The following MEF2C variants were observed in gnomAD, a reference collection of about 807,000 sequenced individuals.
MEF2C encodes myocyte enhancer factor 2C, also known as myocyte-specific enhancer factor 2C.
Under a neutral mutation model 50.5 loss-of-function variants are expected in MEF2C, and 6 were observed. The observed-to-expected ratio is 0.12, with a 90% CI of 0.07 to 0.23. The LOEUF is 0.23. MEF2C is among the 10% of genes least tolerant of loss of function. MEF2C has a pLI of 1.00. For missense variants in MEF2C, 276 were observed against 605.0 expected (o/e 0.46, Z 5.70); for synonymous variants, 183 against 228.0 (o/e 0.80, Z 1.78).
chr5:88,836,673 G>A (rs977630256), intron 1 of MEF2C, among the ~76,000 whole-genome samples: 4 of 152,184 alleles, frequency 2.6e-5, no homozygotes, highest in African/African-American at 7.2e-5. Flanking sequence ...CGAAGGCCTA[G>A]CAGGAGGCTC....
chr5:88,741,045 G>A, intron 6 of MEF2C: 1 of 985,416 alleles, frequency 1.0e-6, no homozygotes, highest in Non-Finnish European at 1.2e-6. Context: ...AACGTTCAAA[G>A]TGAAATGTGT....
At chr5:88,823,237 TTTG>T (rs1049221867) in intron 2 of MEF2C, among the ~76,000 whole-genome samples, 1 of 151,992 alleles carries the variant, frequency 6.6e-6, no homozygotes, top group African/African-American at 2.4e-5. Context: ...GGGTGTTTTC[TTTG>T]TTGTTGTTGT....
intron 6 of MEF2C, among the ~76,000 whole-genome samples, chr5:88,747,174 A>G (rs1240435823): frequency 6.6e-6 from 1 of 152,136 alleles, no homozygotes; most frequent in Admixed American, 6.5e-5. Flanking sequence ...AACTTAGCCA[A>G]CTGTCTGGGA....
intron 3 of MEF2C, among the ~76,000 whole-genome samples, chr5:88,801,448 G>A (rs375618657): frequency 5.9e-5 from 9 of 151,918 alleles, no homozygotes; most frequent in African/African-American, 2.2e-4. Flanking sequence ...ATGTACTAGT[G>A]CTGCAGAGGT....
chr5:88,856,599 C>T (rs1012830798), intron 1 of MEF2C, among the ~76,000 whole-genome samples: 2 of 152,226 alleles, frequency 1.3e-5, no homozygotes, highest in African/African-American at 2.4e-5. Context: ...GGCCCAAGAC[C>T]TTGCTGCTCT....
At chr5:88,797,110 G>C (rs1490507398) in intron 3 of MEF2C, among the ~76,000 whole-genome samples, 3 of 152,150 alleles carry the variant, frequency 2.0e-5, no homozygotes, top group Non-Finnish European at 4.4e-5. Flanking sequence ...CGTTGATCTG[G>C]GGTAGAGAGT....
chr5:88,858,873 A>G (rs1397398556), intron 1 of MEF2C, among the ~76,000 whole-genome samples: 1 of 152,242 alleles, frequency 6.6e-6, no homozygotes, highest in Non-Finnish European at 1.5e-5. Context: ...TTATTTAAAT[A>G]TCATGTTCAA....
chr5:88,872,879 T>A lies in MEF2C; in HGVS notation c.-143+10076A>T, dbSNP rs145269876. Among the ~76,000 whole-genome samples, 316 of 152,130 alleles carry A rather than the reference T, an allele frequency of 2.1e-3. 1 individual carries two copies. Among genetic ancestry groups the A allele is most frequent in the African/African-American group, 7.3e-3 (303 of 41,536 alleles). On this transcript the variant is annotated intron_variant, in intron 1 of 10. Transcript: ENST00000504921. ...TTATTCTTTATTGTTTATGGACATG[T>A]TTGTCTAATAGCATAATATGTAGAA...
intron 1 of MEF2C, among the ~76,000 whole-genome samples, chr5:88,870,544 A>G (rs555833190): frequency 6.6e-6 from 1 of 152,030 alleles, no homozygotes; most frequent in Non-Finnish European, 1.5e-5. Flanking sequence ...AAAAATGGAG[A>G]AAAAAAGACC....
chr5:88,795,974 A>G (rs1795871519), intron 3 of MEF2C, among the ~76,000 whole-genome samples: 1 of 152,210 alleles, frequency 6.6e-6, no homozygotes, highest in Non-Finnish European at 1.5e-5. Context: ...CCAGCCTTGC[A>G]TCCCAGGGAT....
intron 5 of MEF2C, chr5:88,749,972 G>T (rs1465358715): frequency 6.3e-6 from 1 of 159,214 alleles, no homozygotes; most frequent in Non-Finnish European, 1.3e-5. Flanking sequence ...AGAGCTTGCA[G>T]TGAGCCGAGA....
chr5:88,873,073 A>G (rs142308240), intron 1 of MEF2C, among the ~76,000 whole-genome samples: 1 of 151,540 alleles, frequency 6.6e-6, no homozygotes, highest in African/African-American at 2.4e-5. Flanking sequence ...ACACACACTC[A>G]CACCGTTGGA....
At chr5:88,770,723 G>A (rs1437794900) in intron 3 of MEF2C, among the ~76,000 whole-genome samples, 1 of 152,116 alleles carries the variant, frequency 6.6e-6, no homozygotes, top group Non-Finnish European at 1.5e-5. Context: ...TTGGTCTTCT[G>A]TGTTTTGTCT....
chr5:88,835,395 G>A (rs1467125876), intron 1 of MEF2C, among the ~76,000 whole-genome samples: 1 of 152,120 alleles, frequency 6.6e-6, no homozygotes, highest in Non-Finnish European at 1.5e-5. Context: ...AAATATTCAT[G>A]TATCTTTGGA....
intron 1 of MEF2C, among the ~76,000 whole-genome samples, chr5:88,842,074 C>T (rs1383926120): frequency 3.3e-5 from 5 of 152,110 alleles, no homozygotes; most frequent in African/African-American, 9.7e-5. Flanking sequence ...CAACCAGATA[C>T]TTCTTTTTAA....
chr5:88,819,406 G>A (rs1191032912), intron 2 of MEF2C: 1 of 984,086 alleles, frequency 1.0e-6, no homozygotes, highest in Non-Finnish European at 1.2e-6. Flanking sequence ...TGCGATATCT[G>A]GGTCCTGTCT....
chr5:88,734,792 C>T (rs1763438539), intron 6 of MEF2C: 1 of 980,714 alleles, frequency 1.0e-6, no homozygotes, highest in Non-Finnish European at 1.2e-6. Context: ...GGAATATTTC[C>T]TGTTATTTGG....
intron 2 of MEF2C, among the ~76,000 whole-genome samples, chr5:88,820,358 A>G (rs1807692932): frequency 6.6e-6 from 1 of 151,990 alleles, no homozygotes; most frequent in Admixed American, 6.6e-5. Context: ...ATTCTCACCT[A>G]AACTATTTCA....
intron 3 of MEF2C, among the ~76,000 whole-genome samples, chr5:88,768,483 A>AT (rs1326619419): frequency 1.2e-4 from 18 of 151,892 alleles, no homozygotes; most frequent in Admixed American, 3.3e-4. Context: ...TGCTAAGATG[A>AT]TTTTTCTGGA....
Sources: gnomAD v4.1 joint callset for allele counts (sites outside exome capture counted in the v4.1 genomes callset) on GRCh38, gnomAD v4.1.1 for gene constraint, MANE v1.5 for transcripts, NCBI Gene and HGNC (gene_info 2026-07-23, HGNC 2026-07-21) for gene names.